TJP2: variants seen among roughly 807,000 people sequenced by gnomAD.
The protein encoded by TJP2 is Friedreich ataxia region gene X104 (tight junction protein ZO-2).
A neutral mutation model predicts 133.1 loss-of-function variants in TJP2; 91 were observed. The ratio of observed to expected loss-of-function variants is 0.68; its 90% CI spans 0.58 to 0.81. The LOEUF (loss-of-function observed/expected upper bound fraction) is 0.81. Among genes scored for constraint, TJP2 ranks in the 40% least tolerant of loss-of-function variants. The pLI, the probability that TJP2 is intolerant of heterozygous loss-of-function variation, is 0.00. For synonymous variants in TJP2, 592 were observed against 583.4 expected, an observed-to-expected ratio of 1.01 and a Z score of -0.21; for missense variants, 1,541 against 1,565.6, an observed-to-expected ratio of 0.98 and a Z score of 0.26.
rs752183947 is a variant in TJP2, at chr9:69,249,456, C to T, written c.2962C>T (p.Pro988Ser). Residue 988 changes from proline to serine, a missense_variant, in exon 20 of 23, where the codon CCC becomes TCC. By Grantham distance (74) the Pro-to-Ser change is moderately conservative. Coordinates refer to ENST00000377245, the MANE Select transcript of TJP2 (RefSeq NM_004817.4). Reference sequence around the variant, plus strand: ...CGATCAACTTAGGGACAATAGCCCGCCCCCAGCATTCAAGCCAGAGCCGCC... The same window carrying T: ...CGATCAACTTAGGGACAATAGCCCGTCCCCAGCATTCAAGCCAGAGCCGCC... ...SSDQLRDNSP[P>S]PAFKPEPPKA... 1.2e-6 allele frequency: 2 copies of T among 1,609,644 alleles called. 1 individual carries two copies. The highest frequency in any genetic ancestry group is 2.2e-5 in the South Asian group (2 of 90,080).
At chr9:69,146,865 G>A (rs1460252641) in intron 1 of TJP2, among the ~76,000 whole-genome samples, 2 of 152,166 alleles carry the variant, frequency 1.3e-5, no homozygotes, top group Non-Finnish European at 2.9e-5. Context: ...AGTGTCAACG[G>A]TGCCACTGGT....
chr9:69,206,694 C>G (rs1041603122), intron 1 of TJP2, among the ~76,000 whole-genome samples: 4 of 152,158 alleles, frequency 2.6e-5, no homozygotes, highest in Admixed American at 6.5e-5. Context: ...TCTCCTGCCT[C>G]AGCCTCCCGA....
chr9:69,166,210 A>C (rs972946030), intron 2 of TJP2, among the ~76,000 whole-genome samples: 2 of 152,058 alleles, frequency 1.3e-5, no homozygotes, highest in Admixed American at 1.3e-4. Flanking sequence ...TTCCAGGCTC[A>C]AGCCATCCTC....
rs1177701122 is a variant in TJP2 at position 69,181,244 on chromosome 9, T to TC, written c.60+6812_60+6813insC. On this transcript the variant is annotated intron_variant, in intron 1 of 22. Coordinates refer to ENST00000377245, the MANE Select transcript of TJP2 (RefSeq NM_004817.4). ...TGTGACTCTAGTTTGCAATTTCTTT[T>TC]TTTTTTTTTTTTTTTTTTTTTTGAG... Among the ~76,000 whole-genome samples, 57 of 47,776 alleles carry TC rather than the reference T, an allele frequency of 1.2e-3. 1 individual carries two copies. Among genetic ancestry groups the TC allele is most frequent in the African/African-American group, 3.5e-3 (54 of 15,260 alleles). 31.3% of individuals were successfully genotyped at this position (47,776 alleles called of 152,430 possible). A position where few individuals can be genotyped will look rare whatever the true frequency, so the allele number is the denominator to read the frequency against.
In TJP2 at chr9:69,221,281, AC is replaced by A; in HGVS notation, c.739del (p.Gln247ArgfsTer64). 6.2e-7 allele frequency: 1 copy of A among 1,608,052 alleles called. No homozygotes were observed. The highest frequency in any genetic ancestry group is 1.1e-5 in the South Asian group (1 of 90,272). ...GACCGCAGCCGCGGCCGGAGCATTG[AC>A]CAGGACTACGAGCGAGCCTATCACC... ...DRDRSRGRSI[D>X]QDYERAYHRA... On this transcript the variant is annotated frameshift_variant, in exon 5 of 23. Coordinates refer to ENST00000377245, the MANE Select transcript of TJP2 (RefSeq NM_004817.4). LOFTEE classifies it high-confidence loss of function.
rs1175858256 is a variant in TJP2 at position 69,174,361 on chromosome 9, C to G, written c.-12C>G. 8.4e-6 allele frequency: 13 copies of G among 1,551,558 alleles called. No homozygotes were observed. The East Asian group carries it at 1.7e-4, about 20-fold the overall frequency. On this transcript the variant is annotated 5_prime_UTR_variant, in exon 1 of 23. Transcript: ENST00000377245. ...TCCGGAGCTGCGCGCCTACGCGGGA[C>G]CTGTGTCCGAAATGCCGGTGCGAGG...
intron 1 of TJP2, among the ~76,000 whole-genome samples, chr9:69,195,497 A>G (rs1826491745): frequency 1.3e-5 from 2 of 151,798 alleles, no homozygotes; most frequent in Admixed American, 1.3e-4. Context: ...GGCACCTGTT[A>G]GCTGTGGGGC....
intron 17 of TJP2, chr9:69,246,228 G>A (rs964927432): frequency 4.9e-6 from 1 of 202,908 alleles, no homozygotes; most frequent in African/African-American, 2.3e-5. Context: ...GGGGTGTCCC[G>A]GAACCAATCC....
chr9:69,137,314 CTTTTCTTTTCTTTTCTTTTT>C (rs1564372850), intron 1 of TJP2, among the ~76,000 whole-genome samples: 22 of 100,648 alleles, frequency 2.2e-4, no homozygotes, highest in African/African-American at 7.6e-4. Flanking sequence ...CTTTTCTTTT[CTTTTCTTTTCTTTTCTTTTT>C]TTTTTTTGAG....
intron 12 of TJP2, among the ~76,000 whole-genome samples, chr9:69,234,963 G>A (rs190528652): frequency 3.9e-5 from 6 of 152,192 alleles, no homozygotes; most frequent in African/African-American, 1.4e-4. Context: ...GGTGTTGAGA[G>A]TGTCCTCCTT....
At position 69,227,800 on chromosome 9, in the gene TJP2, C is replaced by T; in HGVS notation, c.1246C>T (p.Pro416Ser). The T allele has an allele frequency of 1.9e-6, 3 of 1,613,576 alleles. No homozygotes were observed. Among genetic ancestry groups the T allele is most frequent in the Non-Finnish European group, 2.5e-6 (3 of 1,179,644 alleles). ...SEIESNRSFS[P>S]EERRHQYSDY... ...AATAGAGTCAAACCGATCATTTTCTCCAGAGGAGAGACGTCATCAGTATTC... is the reference window on the plus strand; with the variant it reads ...AATAGAGTCAAACCGATCATTTTCTTCAGAGGAGAGACGTCATCAGTATTC... Residue 416 changes from proline (P) to serine (S), a missense_variant, in exon 8 of 23, where the codon CCA becomes TCA. Physicochemically the swap from Pro to Ser is moderately conservative, Grantham distance 74. Coordinates refer to ENST00000377245, the MANE Select transcript of TJP2 (RefSeq NM_004817.4).
intron 1 of TJP2, among the ~76,000 whole-genome samples, chr9:69,207,980 A>G (rs555395645): frequency 3.9e-5 from 6 of 152,354 alleles, no homozygotes; most frequent in Non-Finnish European, 7.3e-5. Context: ...TAAGCTGCCC[A>G]AGGGCTTTGG....
rs775940546 is a variant in TJP2, at chr9:69,237,965, A to G, written c.2267A>G (p.Gln756Arg). ...KLANELPDWF[Q>R]TAKTEPKDAG... ...GCTAATGAGTTACCTGACTGGTTTC[A>G]AACTGCTAGTAAGTCTGTCAGTGTT... is the stretch of plus-strand genomic sequence containing the variant. Residue 756 changes from glutamine to arginine, a missense_variant, in exon 15 of 23, where the codon CAA (glutamine) becomes CGA (arginine). Gln to Arg is a conservative substitution (Grantham distance 43). Transcript: ENST00000377245. 7 of 1,612,110 alleles carry G rather than the reference A, an allele frequency of 4.3e-6. No homozygotes were observed. In the East Asian group the frequency reaches 1.6e-4, roughly 36 times the overall value.
In TJP2 at chr9:69,234,421, GT is replaced by G. The variant is rs1230093337; in HGVS notation, c.1672-13del. 2 of 790,736 alleles carry G rather than the reference GT, an allele frequency of 2.5e-6. No individual in the cohort carries two copies. The highest frequency in any genetic ancestry group is 3.7e-6 in the Non-Finnish European group (2 of 535,936). The allele number at this position is 790,736 out of a possible 1,614,324, so 49.0% of individuals were successfully genotyped here. Reference sequence around the variant, plus strand: ...TTCTTTTTTTTTTTTTTCTTTTTCTGTTTTTCCTTCCTAATAGGTGAACACA... The same window carrying G: ...TTCTTTTTTTTTTTTTTCTTTTTCTGTTTTCCTTCCTAATAGGTGAACACA... On this transcript the variant is annotated splice_polypyrimidine_tract_variant and intron_variant, in intron 11 of 22. Transcript: ENST00000377245.
At chr9:69,251,509 A>G (rs1311598428) in intron 21 of TJP2, 145 bp downstream of exon 21, 2 of 834,016 alleles carry the variant, frequency 2.4e-6, no homozygotes, top group African/African-American at 3.4e-5. Context: ...GTCACTTCAG[A>G]TTGCCAGCTC....
intron 1 of TJP2, among the ~76,000 whole-genome samples, chr9:69,210,299 C>CCCAAA (rs377382335): frequency 2.1e-4 from 6 of 28,668 alleles, no homozygotes; most frequent in Admixed American, 6.3e-4. Context: ...CCCCCCCCCC[C>CCCAAA]AAAAAAAAAA....
chr9:69,164,525 G>A (rs960108649), intron 2 of TJP2, among the ~76,000 whole-genome samples: 4 of 152,080 alleles, frequency 2.6e-5, no homozygotes, highest in Admixed American at 1.3e-4. Context: ...CAATAGAACG[G>A]CATTTGAATC....
At chr9:69,157,913 G>C (rs1410922267) in intron 2 of TJP2, among the ~76,000 whole-genome samples, 1 of 152,152 alleles carries the variant, frequency 6.6e-6, no homozygotes, top group African/African-American at 2.4e-5. Flanking sequence ...CTTAAGCATA[G>C]CATGTAGATG....
chr9:69,183,261 C>T (rs962499167), intron 1 of TJP2, among the ~76,000 whole-genome samples: 1 of 152,140 alleles, frequency 6.6e-6, no homozygotes, highest in African/African-American at 2.4e-5. Context: ...ATGTATTCAC[C>T]TGCATGATTA....
Sources: gnomAD v4.1 joint callset for allele counts (sites outside exome capture counted in the v4.1 genomes callset) on GRCh38, gnomAD v4.1.1 for gene constraint, MANE v1.5 for transcripts, NCBI Gene and HGNC (gene_info 2026-07-23, HGNC 2026-07-21) for gene names.